Variants in GCM1 observed in about 807,000 individuals in gnomAD.
GCM1 encodes the protein GCM transcription factor 1.
A neutral mutation model predicts 25.7 loss-of-function variants in GCM1; 2 were observed. The ratio of observed to expected loss-of-function variants is 0.08; its 90% CI spans 0.03 to 0.24. GCM1 has a LOEUF of 0.24. Ranked by LOEUF, GCM1 falls within the 10% of genes least tolerant of loss-of-function variation. GCM1 has a pLI of 1.00. For synonymous variants in GCM1, 183 were observed against 195.7 expected, an observed-to-expected ratio of 0.94 and a Z score of 0.54; for missense variants, 395 against 538.7, an observed-to-expected ratio of 0.73 and a Z score of 2.64.
chr6:53,141,809 G>A (rs1005869115), intron 2 of GCM1, among the ~76,000 whole-genome samples: 4 of 151,684 alleles, frequency 2.6e-5, no homozygotes, highest in Non-Finnish European at 4.4e-5. Flanking sequence ...TTCGAGACCA[G>A]CCTGGGCAAC....
intron 2 of GCM1, among the ~76,000 whole-genome samples, chr6:53,141,725 C>T (rs989467766): frequency 1.1e-4 from 17 of 151,000 alleles, no homozygotes; most frequent in Admixed American, 8.6e-4. Context: ...ACTTGAAGCC[C>T]GGGTGCAATG....
At chr6:53,142,428 C>A (rs1763889016) in intron 2 of GCM1, among the ~76,000 whole-genome samples, 1 of 152,234 alleles carries the variant, frequency 6.6e-6, no homozygotes. Flanking sequence ...GTGAAAAAGA[C>A]TCCAAGCCTG....
chr6:53,129,944 A>C (rs1763701062), intron 5 of GCM1, among the ~76,000 whole-genome samples: 1 of 152,328 alleles, frequency 6.6e-6, no homozygotes, highest in South Asian at 2.1e-4. Flanking sequence ...TTTAGGTAAA[A>C]CTACTAGCTG....
At chr6:53,137,216 G>C (rs923850985) in intron 2 of GCM1, among the ~76,000 whole-genome samples, 7 of 152,170 alleles carry the variant, frequency 4.6e-5, no homozygotes, top group African/African-American at 1.7e-4. Context: ...GGCCAGGCCA[G>C]GATGCTGGTT....
chr6:53,145,706 G>A lies in GCM1; in HGVS notation c.-74C>T. On this transcript the variant is annotated 5_prime_UTR_variant, in exon 2 of 6. Coordinates refer to ENST00000259803, the MANE Select transcript of GCM1 (RefSeq NM_003643.4). ...AATGCTTGAGAATTTTGTTCTCAAA[G>A]GTTCTTGATATAGCTGGATCGGCCC... 2 of 858,728 alleles carry A rather than the reference G, an allele frequency of 2.3e-6. No individual in the cohort carries two copies. Among genetic ancestry groups the A allele is most frequent in the African/African-American group, 1.7e-5 (1 of 59,692 alleles). 53.2% of individuals were successfully genotyped at this position (858,728 alleles called of 1,614,324 possible).
At chr6:53,147,425 G>GTTTTTTTTTTTTTTTTTTTTTTATT (rs1763975000) in intron 1 of GCM1, among the ~76,000 whole-genome samples, 1 of 93,574 alleles carries the variant, frequency 1.1e-5, no homozygotes, top group Non-Finnish European at 2.1e-5. Context: ...AGTTTTTATT[G>GTTTTTTTTTTTTTTTTTTTTTTATT]TTTTTTTTTT....
intron 2 of GCM1, among the ~76,000 whole-genome samples, chr6:53,144,977 G>GAAAAAAAAAA (rs1562092001): frequency 1.1e-5 from 1 of 90,048 alleles, no homozygotes; most frequent in African/African-American, 6.0e-5. Context: ...GAAAGAAAAT[G>GAAAAAAAAAA]AAAAGAAAGA....
chr6:53,145,601 T>C lies in GCM1; in HGVS notation c.32A>G (p.Lys11Arg). 6.2e-7 allele frequency: 1 copy of C among 1,603,132 alleles called. No individual in the cohort carries two copies. Among genetic ancestry groups the C allele is most frequent in the Non-Finnish European group, 8.5e-7 (1 of 1,170,126 alleles). Residue 11 changes from lysine to arginine, a missense_variant, in exon 2 of 6, where the codon AAA (lysine) becomes AGA (arginine). Physicochemically the swap from Lys to Arg is conservative, Grantham distance 26 (BLOSUM62 2). Around this residue, in one of 5 missense-constraint regions of GCM1, gnomAD observed 44 missense variants for 60.8 expected, o/e 0.72. Transcript: ENST00000259803. MEPDDFDSEDKEILSWDINDV... is the reference protein window; with the variant it reads MEPDDFDSEDREILSWDINDV... ...ATTAATATCCCAGCTTAATATCTCT[T>C]TGTCTTCAGAATCAAAGTCGTCAGG...
At chr6:53,144,898 G>A (rs1763930797) in intron 2 of GCM1, among the ~76,000 whole-genome samples, 2 of 119,866 alleles carry the variant, frequency 1.7e-5, no homozygotes, top group Non-Finnish European at 3.2e-5. Flanking sequence ...CTAGTTGACA[G>A]AGCCAGACCC....
At chr6:53,130,523 ATAAGT>A (rs1304903211) in intron 5 of GCM1, among the ~76,000 whole-genome samples, 1 of 152,232 alleles carries the variant, frequency 6.6e-6, no homozygotes, top group African/African-American at 2.4e-5. Context: ...CTTGCCAAAT[ATAAGT>A]TAAGTGCTAA....
chr6:53,148,480 A>G (rs1021017939), intron 1 of GCM1, among the ~76,000 whole-genome samples: 1 of 152,198 alleles, frequency 6.6e-6, no homozygotes, highest in African/African-American at 2.4e-5. Context: ...GCGAATGAGC[A>G]TTAATTTAAT....
At chr6:53,132,362 C>T (rs1293668214) in intron 3 of GCM1, among the ~76,000 whole-genome samples, 2 of 152,174 alleles carry the variant, frequency 1.3e-5, no homozygotes, top group Non-Finnish European at 2.9e-5. Context: ...GGATATTTCA[C>T]AGGTCAAGGC....
rs771191089 is a variant in GCM1, at chr6:53,131,998, A to C, written c.441+9T>G. 1.3e-6 allele frequency: 2 copies of C among 1,560,730 alleles called. No individual in the cohort carries two copies. The highest frequency in any genetic ancestry group is 8.8e-7 in the Non-Finnish European group (1 of 1,131,334). On this transcript the variant is annotated intron_variant, in intron 4 of 5. Transcript: ENST00000259803. ...TGAAACTCTCACGTAACTAACTCAAAAATCCAACCTGGAAAAATATAAAGC... is the reference window on the plus strand; with the variant it reads ...TGAAACTCTCACGTAACTAACTCAACAATCCAACCTGGAAAAATATAAAGC...
intron 2 of GCM1, among the ~76,000 whole-genome samples, chr6:53,138,037 T>A (rs1457825931): frequency 6.6e-6 from 1 of 152,084 alleles, no homozygotes; most frequent in Non-Finnish European, 1.5e-5. Flanking sequence ...ATCCCAGCAC[T>A]TTGGGAGGCC....
intron 2 of GCM1, among the ~76,000 whole-genome samples, chr6:53,138,246 C>T (rs1042311068): frequency 1.4e-5 from 2 of 145,402 alleles, no homozygotes; most frequent in Non-Finnish European, 3.0e-5. Flanking sequence ...CATGCCGCTG[C>T]ACTCCAGCTT....
At chr6:53,145,905 C>T (rs1008937685) in intron 1 of GCM1, 137 bp from the exon 2 acceptor site, 2 of 357,182 alleles carry the variant, frequency 5.6e-6, no homozygotes, top group African/African-American at 2.2e-5. Flanking sequence ...AACATAGGAG[C>T]CATAAGTGAT....
intron 2 of GCM1, among the ~76,000 whole-genome samples, chr6:53,143,814 T>C (rs990417596): frequency 1.7e-5 from 2 of 119,524 alleles, no homozygotes; most frequent in African/African-American, 3.3e-5. Flanking sequence ...AGGATACAGA[T>C]GTGGGGTCGG....
intron 1 of GCM1, among the ~76,000 whole-genome samples, chr6:53,146,666 G>T (rs764718286): frequency 2.6e-5 from 4 of 152,062 alleles, no homozygotes; most frequent in Admixed American, 6.5e-5. Context: ...CTTAAGTTTG[G>T]CACTATTGAC....
Position 53,132,096 on chromosome 6 carries a change from C to G in GCM1, c.352G>C (p.Gly118Arg). The change falls in exon 4 of 6, where the codon GGG becomes CGG. Residue 118 changes from glycine to arginine, a missense_variant. Physicochemically the swap from Gly to Arg is moderately radical, Grantham distance 125 (BLOSUM62 -2). Coordinates refer to ENST00000259803, the MANE Select transcript of GCM1 (RefSeq NM_003643.4). ...QQRKRCPNCD[G>R]PLKLIPCRGH... ...CGGCAAGGGATGAGCTTCAGAGGCCCGTCACAGTTGGGACAGCGTTTCCCT... is the reference window on the plus strand; with the variant it reads ...CGGCAAGGGATGAGCTTCAGAGGCCGGTCACAGTTGGGACAGCGTTTCCCT... 1 of 1,611,636 alleles carries G rather than the reference C, an allele frequency of 6.2e-7. No homozygotes were observed. The highest frequency in any genetic ancestry group is 8.5e-7 in the Non-Finnish European group (1 of 1,177,742).
Sources: allele counts gnomAD v4.1 joint callset (sites outside exome capture counted in the v4.1 genomes callset), GRCh38; gene constraint gnomAD v4.1.1; regional missense constraint gnomAD v4.1.1; transcripts MANE v1.5; gene names NCBI Gene and HGNC (gene_info 2026-07-23, HGNC 2026-07-21).